Variants in UNC13C observed in about 807,000 individuals in gnomAD.
UNC13C encodes the protein unc-13 homolog C.
A neutral mutation model predicts 245.4 loss-of-function variants in UNC13C; 174 were observed. The ratio of observed to expected loss-of-function variants is 0.71; its 90% CI spans 0.63 to 0.80. The LOEUF is 0.80. Ranked by LOEUF, UNC13C falls within the 30% of genes least tolerant of loss-of-function variation. UNC13C has a pLI of 0.00. For missense variants in UNC13C, 2,829 were observed against 2,602.9 expected, an observed-to-expected ratio of 1.09 and a Z score of -1.89; for synonymous variants, 992 against 895.1, an observed-to-expected ratio of 1.11 and a Z score of -1.93.
intron 17 of UNC13C, among the ~76,000 whole-genome samples, chr15:54,346,693 G>A (rs559178470): frequency 3.9e-5 from 6 of 152,262 alleles, no homozygotes; most frequent in Middle Eastern, 3.4e-3. Flanking sequence ...CTCTGCACTC[G>A]GTAGGTGGTA....
At chr15:54,600,385 A>G (rs6493693) in intron 30 of UNC13C, among the ~76,000 whole-genome samples, 23,677 of 152,004 alleles carry the variant, frequency 0.16, 2,002 homozygotes, top group Middle Eastern at 0.26. Context: ...AAATGGTATC[A>G]CCAAAGGCAA....
At chr15:54,078,349 T>C (rs538998250) in intron 2 of UNC13C, among the ~76,000 whole-genome samples, 14 of 152,356 alleles carry the variant, frequency 9.2e-5, no homozygotes, top group African/African-American at 3.4e-4. Flanking sequence ...TTTAGGTAGA[T>C]ACCTAGCATT....
At chr15:53,939,568 C>T in the UNC13C span, among the ~76,000 whole-genome samples, 12 of 152,264 alleles carry the variant, frequency 7.9e-5, no homozygotes, top group African/African-American at 2.6e-4. Context: ...CCCTGACAAA[C>T]ATTGATGCAA....
chr15:54,519,560 A>G (rs1895128529), intron 24 of UNC13C, among the ~76,000 whole-genome samples: 3 of 152,210 alleles, frequency 2.0e-5, no homozygotes, highest in Non-Finnish European at 4.4e-5. Context: ...CAGAAGTTAG[A>G]AACATGAATT....
intron 2 of UNC13C, among the ~76,000 whole-genome samples, chr15:54,134,420 C>CTGTG (rs3985789): frequency 0.37 from 46,494 of 127,368 alleles, 7,152 homozygotes; most frequent in Non-Finnish European, 0.39. Context: ...AAATAATCAT[C>CTGTG]TGTGTGTGTG....
At chr15:54,019,799 C>A (rs1895815309) in intron 2 of UNC13C, among the ~76,000 whole-genome samples, 1 of 152,138 alleles carries the variant, frequency 6.6e-6, no homozygotes, top group Non-Finnish European at 1.5e-5. Context: ...ACTAGTGGTT[C>A]CTAATCTGGC....
chr15:54,515,411 T>C (rs1019113736), intron 24 of UNC13C, among the ~76,000 whole-genome samples: 5 of 152,234 alleles, frequency 3.3e-5, no homozygotes, highest in Non-Finnish European at 7.3e-5. Flanking sequence ...ATTTCATGAA[T>C]ATAATTTATT....
chr15:54,463,281 G>GGGGGGGGGGGGGGGC (rs1221917189), intron 19 of UNC13C, among the ~76,000 whole-genome samples: 1 of 68,966 alleles, frequency 1.4e-5, no homozygotes, highest in Non-Finnish European at 3.2e-5. Flanking sequence ...GGGGGGGGGG[G>GGGGGGGGGGGGGGGC]GCCGGTCAGG....
At chr15:54,280,698 G>GTT (rs2036961527) in intron 10 of UNC13C, among the ~76,000 whole-genome samples, 1 of 54,594 alleles carries the variant, frequency 1.8e-5, no homozygotes, top group African/African-American at 1.7e-4. Flanking sequence ...ATAAACATAT[G>GTT]TATACATACA....
intron 12 of UNC13C, 96 bp from the exon 13 acceptor site, chr15:54,300,114 A>G: frequency 1.8e-6 from 2 of 1,113,106 alleles, no homozygotes; most frequent in South Asian, 3.4e-5. Context: ...CATTAGAGGC[A>G]ATGACAGTGC....
intron 10 of UNC13C, among the ~76,000 whole-genome samples, chr15:54,290,320 G>A (rs911403861): frequency 4.6e-5 from 7 of 151,878 alleles, no homozygotes; most frequent in African/African-American, 1.7e-4. Flanking sequence ...AATAATTAGG[G>A]TTCAGGGCCT....
At chr15:54,607,598 G>C (rs931517630) in intron 30 of UNC13C, among the ~76,000 whole-genome samples, 1 of 152,138 alleles carries the variant, frequency 6.6e-6, no homozygotes, top group African/African-American at 2.4e-5. Flanking sequence ...CTGAGACCAT[G>C]AGGTAATTTA....
the UNC13C span, chr15:53,912,641 G>A: frequency 6.6e-6 from 1 of 152,116 alleles, no homozygotes; most frequent in African/African-American, 2.4e-5. Context: ...CACAGCCAGA[G>A]AATTTGGAAT....
At chr15:54,455,539 T>A (rs907576857) in intron 19 of UNC13C, among the ~76,000 whole-genome samples, 4 of 150,988 alleles carry the variant, frequency 2.6e-5, no homozygotes, top group African/African-American at 9.7e-5. Flanking sequence ...TTTTTTTTTT[T>A]TAATTATGGC....
chr15:54,104,464 C>T (rs1900331282), intron 2 of UNC13C, among the ~76,000 whole-genome samples: 2 of 152,030 alleles, frequency 1.3e-5, no homozygotes, highest in African/African-American at 2.4e-5. Context: ...TTAAGATTTT[C>T]ATGACTGACC....
In UNC13C at chr15:54,628,069, C is replaced by T. The variant is rs541322694; in HGVS notation, c.*956C>T. On this transcript the variant is annotated 3_prime_UTR_variant, in exon 33 of 33. Transcript: ENST00000260323. Reference sequence around the variant, plus strand: ...ATGCCAAAAGTCATGTTTTCATCCACTTAGTGAAAAAATAGTAAAATTAAG... The same window carrying T: ...ATGCCAAAAGTCATGTTTTCATCCATTTAGTGAAAAAATAGTAAAATTAAG... 2 of 151,890 alleles carry T rather than the reference C, an allele frequency of 1.3e-5. No individual in the cohort carries two copies. Among genetic ancestry groups the T allele is most frequent in the East Asian group, 3.9e-4 (2 of 5,178 alleles). The allele number at this position is 151,890 out of a possible 1,614,324, so 9.4% of individuals were successfully genotyped here.
chr15:54,601,051 A>T (rs969642640), intron 30 of UNC13C, among the ~76,000 whole-genome samples: 5 of 150,654 alleles, frequency 3.3e-5, no homozygotes, highest in African/African-American at 1.2e-4. Flanking sequence ...GTTAGGCTGT[A>T]TTCAAAGCCA....
Position 54,199,546 on chromosome 15 carries a change from TA to T in UNC13C, c.3072-35476del, listed in dbSNP as rs545679256. The stretch of plus-strand genomic sequence containing the variant: ...ATTGGAGTCCTATTTTTGACCTCCT[TA>T]AAAAAAACAATTATAAGCCAAGAAT... On this transcript the variant is annotated intron_variant, in intron 4 of 32. Transcript: ENST00000260323. 6.3e-4 allele frequency among the ~76,000 whole-genome samples: 96 copies of T among 151,842 alleles called. 1 individual carries two copies. Among genetic ancestry groups the T allele is most frequent in the Non-Finnish European group, 1.2e-3 (80 of 67,854 alleles).
At chr15:53,982,019 T>A (rs764102527) in intron 1 of UNC13C, among the ~76,000 whole-genome samples, 4 of 152,198 alleles carry the variant, frequency 2.6e-5, no homozygotes, top group Non-Finnish European at 4.4e-5. Flanking sequence ...GAAAATATTT[T>A]GTAGAAATAA....
Sources: allele counts gnomAD v4.1 joint callset (sites outside exome capture counted in the v4.1 genomes callset), GRCh38; gene constraint gnomAD v4.1.1; transcripts MANE v1.5; gene names NCBI Gene and HGNC (gene_info 2026-07-23, HGNC 2026-07-21).